Variants in PGK1 observed in about 807,000 individuals in gnomAD.
PGK1 encodes the protein phosphoglycerate kinase 1, also known as PRP 2.
In PGK1, 3 loss-of-function variants were observed where a neutral mutation model predicts 26.9. The observed-to-expected ratio is 0.11, with a 90% confidence interval of 0.05 to 0.29. The LOEUF (loss-of-function observed/expected upper bound fraction) is 0.29, where lower values mean the gene tolerates loss of function less well. Ranked by LOEUF, PGK1 falls within the 10% of genes least tolerant of loss-of-function variation. The pLI is 1.00. For synonymous variants in PGK1, 125 were observed against 115.3 expected (o/e 1.08, Z -0.54); for missense variants, 270 against 314.7 (o/e 0.86, Z 1.07).
chrX:78,112,718 CATG>C (rs1776845293), intron 2 of PGK1, among the ~76,000 whole-genome samples: 1 of 111,995 alleles, frequency 8.9e-6, no homozygotes, highest in Non-Finnish European at 1.9e-5. Context: ...CCACATATCT[CATG>C]ATGATTTGCT....
intron 6 of PGK1, among the ~76,000 whole-genome samples, chrX:78,122,219 G>A (rs1194921490): frequency 9.1e-6 from 1 of 110,136 alleles, no homozygotes; most frequent in Non-Finnish European, 1.9e-5. Flanking sequence ...AAAAGAGAGA[G>A]AGAAAAAAAT....
At chrX:78,120,854 A>G (rs782065352) in intron 6 of PGK1, among the ~76,000 whole-genome samples, 2 of 112,236 alleles carry the variant, frequency 1.8e-5, no homozygotes, top group Non-Finnish European at 3.8e-5. Context: ...TAGGTTGAGT[A>G]TCTTTTATCT....
Position 78,104,350 on chromosome X carries a change from T to C in PGK1, c.10T>C (p.Ser4Pro). Residue 4 changes from serine (S) to proline (P), a missense_variant, in exon 1 of 11, where the codon TCT becomes CCT. Around this residue, in one of 3 missense-constraint regions of PGK1, gnomAD observed 150 missense variants for 154.6 expected, o/e 0.97. Transcript: ENST00000373316. MSLSNKLTLDKLDV... is the reference protein window; with the variant it reads MSLPNKLTLDKLDV... ...CAGCTGTATTTCCAAAATGTCGCTT[T>C]CTAACAAGCTGACGCTGGACAAGCT... The C allele has an allele frequency of 8.3e-7, 1 of 1,205,540 alleles. No individual in the cohort carries two copies. Among genetic ancestry groups the C allele is most frequent in the Non-Finnish European group, 1.1e-6 (1 of 889,663 alleles).
At position 78,118,601 on chromosome X, in the gene PGK1, T is replaced by C. The variant is rs186761602; in HGVS notation, c.641+431T>C. ...CTAAATAAATAAATAAATAAATAAA[T>C]AAACAAACAAACGAACGAACTACAT... On this transcript the variant is annotated intron_variant, in intron 6 of 10. Transcript: ENST00000373316. Among the ~76,000 whole-genome samples the C allele has an allele frequency of 4.9e-3, 531 of 109,057 alleles. 2 individuals carry two copies. The highest frequency in any genetic ancestry group is 0.014 in the Middle Eastern group (3 of 209). 94.7% of individuals were successfully genotyped at this position (109,057 alleles called of 115,157 possible). A position where few individuals can be genotyped will look rare whatever the true frequency, so the allele number is the denominator to read the frequency against.
chrX:78,117,954 C>T, intron 5 of PGK1, 97 bp from the exon 6 acceptor site: 1 of 854,182 alleles, frequency 1.2e-6, no homozygotes, highest in South Asian at 2.0e-5. Flanking sequence ...TCTTGCAGTC[C>T]AGAAGTAGAA....
At position 78,113,768 on chromosome X, in the gene PGK1, C is replaced by G. The variant is rs2149132065; in HGVS notation, c.141C>G (p.Ile47Met). 1 of 1,209,669 alleles carries G rather than the reference C, an allele frequency of 8.3e-7. No individual in the cohort carries two copies. Among genetic ancestry groups the G allele is most frequent in the Middle Eastern group, 2.4e-4 (1 of 4,248 alleles). The change falls in exon 3 of 11, where the codon ATC (isoleucine) becomes ATG (methionine). Residue 47 changes from isoleucine to methionine, a missense_variant. This residue lies in a region of PGK1 where 150 missense variants were observed against 154.6 expected (regional missense o/e 0.97). Coordinates refer to ENST00000373316, the MANE Select transcript of PGK1 (RefSeq NM_000291.4). ...GGATTAAGGCTGCTGTCCCAAGCAT[C>G]AAATTCTGCTTGGACAATGGAGCCA... is the stretch of plus-strand genomic sequence containing the variant. Reference protein sequence around the residue: ...NQRIKAAVPSIKFCLDNGAKS... With the variant: ...NQRIKAAVPSMKFCLDNGAKS...
chrX:78,117,189 A>G, intron 4 of PGK1, 123 bp from the exon 5 acceptor site: 2 of 532,097 alleles, frequency 3.8e-6, no homozygotes, highest in South Asian at 5.1e-5. Flanking sequence ...TGCTGGTTGT[A>G]AAAAATCGCT....
rs1363674403 is a variant in PGK1 at position 78,126,823 on chromosome X, T to C, written c.*993T>C. 4.4e-5 allele frequency: 5 copies of C among 112,401 alleles called. No individual in the cohort carries two copies. Among genetic ancestry groups the C allele is most frequent in the Non-Finnish European group, 9.4e-5 (5 of 53,280 alleles). The allele number at this position is 112,401 out of a possible 1,213,427, so 9.3% of individuals were successfully genotyped here. On this transcript the variant is annotated 3_prime_UTR_variant, in exon 11 of 11. Transcript: ENST00000373316. ...AGTATGCTATGATTAAATTTACTTATGTAACTTTTATTGTCTTTGGCATTA... is the reference window on the plus strand; with the variant it reads ...AGTATGCTATGATTAAATTTACTTACGTAACTTTTATTGTCTTTGGCATTA...
Position 78,122,862 on chromosome X carries a change from C to T in PGK1, c.669C>T (p.Leu223=). The change falls in exon 7 of 11, where the codon CTC becomes CTT. Residue 223 remains leucine (L), a synonymous_variant. Transcript: ENST00000373316. ...CTAAAGTTGCAGACAAGATCCAGCT[C>T]ATCAATAATATGCTGGACAAAGTCA... is the stretch of plus-strand genomic sequence containing the variant. The part of the protein sequence containing the change: ...GGAKVADKIQ[L]INNMLDKVNE... 8.4e-7 allele frequency: 1 copy of T among 1,194,789 alleles called. No individual in the cohort carries two copies. The highest frequency in any genetic ancestry group is 1.1e-6 in the Non-Finnish European group (1 of 881,220).
rs1557246681 is a variant in PGK1 at position 78,109,817 on chromosome X, T to C, written c.66-50T>C. ...GGTTCATTAAAAATGCATCTCCTAGTCTTTGATGGAACAGTAAGTTGATCA... is the reference window on the plus strand; with the variant it reads ...GGTTCATTAAAAATGCATCTCCTAGCCTTTGATGGAACAGTAAGTTGATCA... On this transcript the variant is annotated intron_variant, in intron 1 of 10. Transcript: ENST00000373316. The C allele has an allele frequency of 3.5e-6, 3 of 859,626 alleles. No individual in the cohort carries two copies. In the South Asian group the frequency reaches 6.0e-5, roughly 17 times the overall value. The allele number at this position is 859,626 out of a possible 1,213,427, so 70.8% of individuals were successfully genotyped here.
intron 6 of PGK1, among the ~76,000 whole-genome samples, chrX:78,122,452 T>TGTGTGTGTGTGTGTGTG (rs2078360666): frequency 1.1e-5 from 1 of 93,499 alleles, no homozygotes; most frequent in Admixed American, 1.2e-4. Context: ...TGTGTGTGTG[T>TGTGTGTGTGTGTGTGTG]TGGGGAATGT....
At chrX:78,113,610 G>C (rs1036108313) in intron 2 of PGK1, 134 bp from the exon 3 acceptor site, 2 of 576,806 alleles carry the variant, frequency 3.5e-6, no homozygotes, top group South Asian at 2.5e-5. Context: ...GACCACCATT[G>C]AATTACTGAT....
At chrX:78,112,750 C>T (rs2078307339) in intron 2 of PGK1, among the ~76,000 whole-genome samples, 1 of 112,139 alleles carries the variant, frequency 8.9e-6, no homozygotes, top group African/African-American at 3.2e-5. Flanking sequence ...GAGTTGTTCT[C>T]ATGGCTAAAG....
Position 78,104,281 on chromosome X carries a change from C to G in PGK1, c.-60C>G. The G allele has an allele frequency of 2.3e-6, 2 of 883,579 alleles. No homozygotes were observed. Among genetic ancestry groups the G allele is most frequent in the Non-Finnish European group, 1.7e-6 (1 of 599,632 alleles). 72.8% of individuals were successfully genotyped at this position (883,579 alleles called of 1,213,427 possible). Reference sequence around the variant, plus strand: ...TTCTGCAAGCCTCCGGAGCGCACGTCGGCAGTCGGCTCCCTCGTTGACCGA... The same window carrying G: ...TTCTGCAAGCCTCCGGAGCGCACGTGGGCAGTCGGCTCCCTCGTTGACCGA... On this transcript the variant is annotated 5_prime_UTR_variant, in exon 1 of 11. Transcript: ENST00000373316.
chrX:78,119,102 CCTGGCAGGGTATAACCATATAAT>C (rs1365723124), intron 6 of PGK1, among the ~76,000 whole-genome samples: 32 of 110,998 alleles, frequency 2.9e-4, no homozygotes, highest in Non-Finnish European at 3.8e-4. Context: ...AACTATATAA[CCTGGCAGGGTATAACCATATAAT>C]CTGGCAGGGT....
chrX:78,123,034 G>A lies in PGK1; in HGVS notation c.756+85G>A, dbSNP rs2078363948. ...AAATGTAAAAAGAAAACAGTCTTTT[G>A]ACATGAGCCCTGAAAATTCCCATTT... On this transcript the variant is annotated intron_variant, in intron 7 of 10. Transcript: ENST00000373316. 45 of 730,407 alleles carry A rather than the reference G, an allele frequency of 6.2e-5. No homozygotes were observed. In the South Asian group the frequency reaches 9.4e-4, roughly 15 times the overall value. 60.2% of individuals were successfully genotyped at this position (730,407 alleles called of 1,213,427 possible). A position where few individuals can be genotyped will look rare whatever the true frequency, so the allele number is the denominator to read the frequency against.
In PGK1 at chrX:78,117,381, A is replaced by G. The variant is rs1383797516; in HGVS notation, c.487A>G (p.Asn163Asp). 2.5e-6 allele frequency: 3 copies of G among 1,198,891 alleles called. No individual in the cohort carries two copies. Among genetic ancestry groups the G allele is most frequent in the African/African-American group, 3.5e-5 (2 of 56,952 alleles). Residue 163 changes from asparagine (N) to aspartate (D), a missense_variant, in exon 5 of 11, where the codon AAT becomes GAT. Around this residue, in one of 3 missense-constraint regions of PGK1, gnomAD observed 150 missense variants for 154.6 expected, o/e 0.97. Coordinates refer to ENST00000373316, the MANE Select transcript of PGK1 (RefSeq NM_000291.4). ...SLSKLGDVYV[N>D]DAFGTAHRAH... ...TTCCAAGCTAGGGGATGTCTATGTC[A>G]ATGATGCTTTTGGCACTGCTCACAG...
rs1464164539 is a variant in PGK1, at chrX:78,126,002, C to T, written c.*172C>T. ...ACAGCATCTCAGCTCATCTTCACTG[C>T]ACCCTGGATTTGCATACATTCTTCA... On this transcript the variant is annotated 3_prime_UTR_variant, in exon 11 of 11. Transcript: ENST00000373316. The T allele has an allele frequency of 1.2e-5, 6 of 510,554 alleles. No homozygotes were observed. Among genetic ancestry groups the T allele is most frequent in the Non-Finnish European group, 1.4e-5 (4 of 284,928 alleles). 42.1% of individuals were successfully genotyped at this position (510,554 alleles called of 1,213,427 possible). A position where few individuals can be genotyped will look rare whatever the true frequency, so the allele number is the denominator to read the frequency against.
At chrX:78,111,123 C>T (rs1557246847) in intron 2 of PGK1, among the ~76,000 whole-genome samples, 2 of 106,469 alleles carry the variant, frequency 1.9e-5, no homozygotes, top group East Asian at 2.9e-4. Context: ...CTCGTTCTGT[C>T]GCCCAGGCTG....
Sources: allele counts gnomAD v4.1 joint callset (sites outside exome capture counted in the v4.1 genomes callset), GRCh38; gene constraint gnomAD v4.1.1; regional missense constraint gnomAD v4.1.1; transcripts MANE v1.5; gene names NCBI Gene and HGNC (gene_info 2026-07-23, HGNC 2026-07-21).